FCGR1A: variants seen among roughly 807,000 people sequenced by gnomAD.
The protein encoded by FCGR1A is Fc gamma receptor Ia.
FCGR1A carries 13 observed loss-of-function variants against 35.0 expected under a neutral mutation model. That is an observed-to-expected ratio of 0.37 (90% CI 0.24 to 0.59). The LOEUF (loss-of-function observed/expected upper bound fraction) is 0.59, where lower values mean the gene tolerates loss of function less well. Ranked by LOEUF, FCGR1A falls within the 20% of genes least tolerant of loss-of-function variation. The pLI is 0.71. For synonymous variants in FCGR1A, 91 were observed against 164.7 expected (o/e 0.55, Z 3.43); for missense variants, 227 against 430.0 (o/e 0.53, Z 4.17).
chr1:149,796,282 G>A (rs1461340271), downstream of FCGR1A, among the ~76,000 whole-genome samples: 4 of 152,186 alleles, frequency 2.6e-5, no homozygotes, highest in Non-Finnish European at 4.4e-5. Context: ...AAGATTCCCA[G>A]ACATAATATG....
chr1:149,791,620 T>C lies in FCGR1A; in HGVS notation c.*103T>C. 1.3e-6 allele frequency: 2 copies of C among 1,527,044 alleles called. No homozygotes were observed. Among genetic ancestry groups the C allele is most frequent in the South Asian group, 1.3e-5 (1 of 79,946 alleles). 94.6% of individuals were successfully genotyped at this position (1,527,044 alleles called of 1,614,324 possible). A position where few individuals can be genotyped will look rare whatever the true frequency, so the allele number is the denominator to read the frequency against. ...CAAAAGTTCAACAACACCAGAACTGTGTGTCTCATGGTATGTAACTCTTAA... is the reference window on the plus strand; with the variant it reads ...CAAAAGTTCAACAACACCAGAACTGCGTGTCTCATGGTATGTAACTCTTAA... On this transcript the variant is annotated 3_prime_UTR_variant, in exon 6 of 6. Transcript: ENST00000369168.
downstream of FCGR1A, among the ~76,000 whole-genome samples, chr1:149,796,573 C>A (rs587670775): frequency 5.3e-5 from 8 of 152,258 alleles, no homozygotes; most frequent in Admixed American, 3.3e-4. Flanking sequence ...TCATTTTCTA[C>A]CTTGAATTCT....
downstream of FCGR1A, chr1:149,794,127 G>A: frequency 2.4e-6 from 1 of 423,334 alleles, no homozygotes; most frequent in Non-Finnish European, 4.7e-6. Context: ...GACCAGTTAG[G>A]AGTCTAGGTG....
At position 149,790,214 on chromosome 1, in the gene FCGR1A, C is replaced by A; in HGVS notation, c.720C>A (p.Asn240Lys). The A allele has an allele frequency of 1.2e-6, 2 of 1,613,510 alleles. No individual in the cohort carries two copies. The change falls in exon 5 of 6, where the codon AAC (asparagine) becomes AAA (lysine). Residue 240 changes from asparagine to lysine, a missense_variant. Coordinates refer to ENST00000369168, the MANE Select transcript of FCGR1A (RefSeq NM_000566.4). ...YMGSKTLRGR[N>K]TSSEYQILTA... ...GCAGCAAGACCCTGCGAGGCAGGAA[C>A]ACATCCTCTGAATACCAAATACTAA...
chr1:149,784,782 TCTTA>T (rs1185090039), intron 3 of FCGR1A, among the ~76,000 whole-genome samples: 4 of 151,108 alleles, frequency 2.6e-5, no homozygotes, highest in Admixed American at 6.6e-5. Context: ...TTGTCCTATA[TCTTA>T]CTTTTATCAC....
At chr1:149,798,515 G>C in the FCGR1A span, among the ~76,000 whole-genome samples, 1 of 150,478 alleles carries the variant, frequency 6.6e-6, no homozygotes, top group Admixed American at 6.6e-5. Context: ...ATGTATCCTT[G>C]TTAAATGCAA....
intron 3 of FCGR1A, chr1:149,787,836 C>A (rs2091593832): frequency 1.1e-5 from 2 of 175,162 alleles, no homozygotes; most frequent in South Asian, 2.3e-4. Flanking sequence ...TGGGGGGCCA[C>A]TCTCAGCTCC....
At chr1:149,788,338 A>G in intron 3 of FCGR1A, 28 bp from the exon 4 acceptor site, 1 of 1,612,046 alleles carries the variant, frequency 6.2e-7, no homozygotes. Context: ...TCCACTGTAT[A>G]CATACATTTT....
intron 5 of FCGR1A, among the ~76,000 whole-genome samples, 164 bp from the exon 6 acceptor site, chr1:149,791,073 C>A (rs2091698829): frequency 6.6e-6 from 1 of 150,988 alleles, no homozygotes; most frequent in African/African-American, 2.4e-5. Flanking sequence ...CACCATATAG[C>A]CAGTTAGAGC....
At chr1:149,795,291 TAAA>T (rs2091787932), downstream of FCGR1A, among the ~76,000 whole-genome samples, 1 of 147,172 alleles carries the variant, frequency 6.8e-6, no homozygotes, top group Non-Finnish European at 1.5e-5. Flanking sequence ...AATAAATAAA[TAAA>T]TAAATGATTA....
downstream of FCGR1A, chr1:149,793,183 C>T (rs1553752395): frequency 2.3e-6 from 3 of 1,278,336 alleles, no homozygotes; most frequent in South Asian, 3.7e-5. Context: ...GGGAGGACGG[C>T]GCTGGGCTCC....
chr1:149,793,263 G>A (rs2091758438), downstream of FCGR1A: 10 of 1,241,294 alleles, frequency 8.1e-6, no homozygotes, highest in Non-Finnish European at 1.0e-5. Flanking sequence ...GAGGGAGCGG[G>A]TGGGGAGTGG....
chr1:149,797,029 C>T, the FCGR1A span, among the ~76,000 whole-genome samples: 2 of 152,212 alleles, frequency 1.3e-5, no homozygotes, highest in African/African-American at 4.8e-5. Flanking sequence ...TCTCCTGCCT[C>T]AGCCTCCCAA....
downstream of FCGR1A, among the ~76,000 whole-genome samples, chr1:149,793,631 T>C (rs2091765358): frequency 6.6e-6 from 1 of 151,820 alleles, no homozygotes; most frequent in Non-Finnish European, 1.5e-5. Flanking sequence ...GGGCCCATCC[T>C]TCAATCCGAG....
At position 149,788,531 on chromosome 1, in the gene FCGR1A, C is replaced by G. The variant is rs782326669; in HGVS notation, c.473C>G (p.Thr158Ser). ...HWNSNLTILK[T>S]NISHNGTYHC... ...AATTCTAACCTCACCATTCTGAAAA[C>G]CAACATAAGTCACAATGGCACCTAC... is the stretch of plus-strand genomic sequence containing the variant. The change falls in exon 4 of 6, where the codon ACC becomes AGC. Residue 158 changes from threonine to serine, a missense_variant. By Grantham distance (58) the Thr-to-Ser change is moderately conservative. This residue lies in a region of FCGR1A where 185 missense variants were observed against 306.6 expected (regional missense o/e 0.60). Coordinates refer to ENST00000369168, the MANE Select transcript of FCGR1A (RefSeq NM_000566.4). 1.2e-5 allele frequency: 19 copies of G among 1,613,864 alleles called. 1 individual carries two copies. Among genetic ancestry groups the G allele is most frequent in the South Asian group, 2.2e-5 (2 of 91,074 alleles).
chr1:149,789,393 AAAT>A (rs781855250), intron 4 of FCGR1A, among the ~76,000 whole-genome samples: 68 of 148,698 alleles, frequency 4.6e-4, no homozygotes, highest in Non-Finnish European at 5.5e-4. Flanking sequence ...ACTACGTCTC[AAAT>A]AATAATAATA....
chr1:149,788,429 G>A lies in FCGR1A; in HGVS notation c.371G>A (p.Cys124Tyr). 6.2e-7 allele frequency: 1 copy of A among 1,613,788 alleles called. No homozygotes were observed. Among genetic ancestry groups the A allele is most frequent in the Non-Finnish European group, 8.5e-7 (1 of 1,179,844 alleles). ...GAAGGAGAACCTCTGGCCTTGAGGTGTCATGCGTGGAAGGATAAGCTGGTG... is the reference window on the plus strand; with the variant it reads ...GAAGGAGAACCTCTGGCCTTGAGGTATCATGCGTGGAAGGATAAGCTGGTG... ...FTEGEPLALR[C>Y]HAWKDKLVYN... is the part of the protein sequence containing the mutation. The change falls in exon 4 of 6, where the codon TGT becomes TAT. Residue 124 changes from cysteine (C) to tyrosine (Y), a missense_variant. Physicochemically the swap from Cys to Tyr is radical, Grantham distance 194. Transcript: ENST00000369168.
chr1:149,797,355 C>T, the FCGR1A span, among the ~76,000 whole-genome samples: 1 of 152,062 alleles, frequency 6.6e-6, no homozygotes, highest in Admixed American at 6.6e-5. Context: ...ATTTTGTCTA[C>T]ATTCGCAAAT....
downstream of FCGR1A, chr1:149,792,670 G>A (rs781979162): frequency 3.1e-6 from 4 of 1,278,350 alleles, no homozygotes; most frequent in South Asian, 5.0e-5. Context: ...GGCCGCAGCC[G>A]CCAGCGCCCG....
Sources: gnomAD v4.1 joint callset for allele counts (sites outside exome capture counted in the v4.1 genomes callset) on GRCh38, gnomAD v4.1.1 for gene constraint, gnomAD v4.1.1 regional missense constraint, MANE v1.5 for transcripts, NCBI Gene and HGNC (gene_info 2026-07-23, HGNC 2026-07-21) for gene names.